The following GREM1 variants were observed in gnomAD, a reference collection of about 807,000 sequenced individuals.
The protein encoded by GREM1 is gremlin 1, DAN family BMP antagonist, also known as gremlin-1.
GREM1 carries 6 observed loss-of-function variants against 13.1 expected under a neutral mutation model. The ratio of observed to expected loss-of-function variants is 0.46; its 90% CI spans 0.25 to 0.91. GREM1 has a LOEUF of 0.91. Ranked by LOEUF, GREM1 falls within the 40% of genes least tolerant of loss-of-function variation. The pLI, the probability that GREM1 is intolerant of heterozygous loss-of-function variation, is 0.18. For synonymous variants in GREM1, 98 were observed against 93.7 expected, an observed-to-expected ratio of 1.05 and a Z score of -0.27; for missense variants, 185 against 233.9, an observed-to-expected ratio of 0.79 and a Z score of 1.36.
rs1486987037 is a variant in GREM1 at position 32,736,022 on chromosome 15, C to T, written c.*4777C>T. ...TACTCTCATCTCCCCCTCTCCAGCT[C>T]CACAATAGCTTTGAAACCAACAGCC... On this transcript the variant is annotated 3_prime_UTR_variant, in exon 2 of 2. Transcript: ENST00000651154. The T allele has an allele frequency of 1.3e-5, 2 of 152,204 alleles. No individual in the cohort carries two copies. Among genetic ancestry groups the T allele is most frequent in the Non-Finnish European group, 2.9e-5 (2 of 68,036 alleles). 9.4% of individuals were successfully genotyped at this position (152,204 alleles called of 1,614,324 possible).
Position 32,741,743 on chromosome 15 carries a change from T to C in GREM1, c.*10498T>C, listed in dbSNP as rs2055763340. On this transcript the variant is annotated 3_prime_UTR_variant, in exon 2 of 2. Transcript: ENST00000651154. ...GTGATGAGAGTGGGCATGTATGCCT[T>C]GTTTCTGGTCTTAAAGAAAAACATT... 6.6e-6 allele frequency: 1 copy of C among 152,182 alleles called. No individual in the cohort carries two copies. The highest frequency in any genetic ancestry group is 6.5e-5 in the Admixed American group (1 of 15,278). 9.4% of individuals were successfully genotyped at this position (152,182 alleles called of 1,614,324 possible). A position where few individuals can be genotyped will look rare whatever the true frequency, so the allele number is the denominator to read the frequency against.
intron 1 of GREM1, among the ~76,000 whole-genome samples, chr15:32,721,767 A>G (rs922462461): frequency 6.6e-6 from 1 of 152,142 alleles, no homozygotes; most frequent in African/African-American, 2.4e-5. Context: ...TGAATACCAC[A>G]CTACGCAGTG....
chr15:32,723,600 T>C (rs1279859267), intron 1 of GREM1, among the ~76,000 whole-genome samples: 1 of 143,016 alleles, frequency 7.0e-6, no homozygotes, highest in East Asian at 2.1e-4. Context: ...TAATAAATCT[T>C]ATTTTGAGGA....
At position 32,733,369 on chromosome 15, in the gene GREM1, C is replaced by G. The variant is rs1396888335; in HGVS notation, c.*2124C>G. ...GAGGAAAAATGACATTCAGAACCAG[C>G]AAACACTGAATTTCTCTTGTTGTTT... On this transcript the variant is annotated 3_prime_UTR_variant, in exon 2 of 2. Coordinates refer to ENST00000651154, the MANE Select transcript of GREM1 (RefSeq NM_013372.7). 1 of 226,312 alleles carries G rather than the reference C, an allele frequency of 4.4e-6. No homozygotes were observed. Among genetic ancestry groups the G allele is most frequent in the African/African-American group, 2.3e-5 (1 of 44,268 alleles). 14.0% of individuals were successfully genotyped at this position (226,312 alleles called of 1,614,324 possible). A position where few individuals can be genotyped will look rare whatever the true frequency, so the allele number is the denominator to read the frequency against.
chr15:32,721,631 A>G (rs536704637), intron 1 of GREM1, among the ~76,000 whole-genome samples: 8 of 151,848 alleles, frequency 5.3e-5, no homozygotes, highest in Admixed American at 3.3e-4. Context: ...GCAGGCGCCT[A>G]TAATCTCAGC....
Position 32,737,790 on chromosome 15 carries a change from T to C in GREM1, c.*6545T>C, listed in dbSNP as rs1363904635. On this transcript the variant is annotated 3_prime_UTR_variant, in exon 2 of 2. Transcript: ENST00000651154. ...AAAAATACAAAAAATTAGCCCGGCG[T>C]GGTGGCAAATGCCTGTAATCCCAGC... The C allele has an allele frequency of 6.6e-6, 1 of 150,636 alleles. No individual in the cohort carries two copies. Among genetic ancestry groups the C allele is most frequent in the Admixed American group, 6.6e-5 (1 of 15,134 alleles). The allele number at this position is 150,636 out of a possible 1,614,324, so 9.3% of individuals were successfully genotyped here.
Position 32,743,445 on chromosome 15 carries a change from C to G in GREM1, c.*12200C>G, listed in dbSNP as rs564981507. The G allele has an allele frequency of 4.6e-5, 7 of 152,104 alleles. No homozygotes were observed. Among genetic ancestry groups the G allele is most frequent in the Admixed American group, 4.6e-4 (7 of 15,282 alleles). The allele number at this position is 152,104 out of a possible 1,614,324, so 9.4% of individuals were successfully genotyped here. On this transcript the variant is annotated 3_prime_UTR_variant, in exon 2 of 2. Transcript: ENST00000651154. ...GAAGTCAAGCCAACTTTTGAAGTAT[C>G]CTATAGTACTTATATATTGCTTGGT...
intron 1 of GREM1, among the ~76,000 whole-genome samples, chr15:32,719,685 CTATTGTGTTA>C (rs1443839526): frequency 6.6e-6 from 1 of 152,148 alleles, no homozygotes; most frequent in Non-Finnish European, 1.5e-5. Context: ...TTAAAACAAT[CTATTGTGTTA>C]AGTGGGTCAC....
At chr15:32,724,448 T>A (rs2055462571) in intron 1 of GREM1, among the ~76,000 whole-genome samples, 1 of 152,188 alleles carries the variant, frequency 6.6e-6, no homozygotes, top group Admixed American at 6.5e-5. Context: ...GGGGAGCAAC[T>A]GAATTGTGTT....
rs1230031214 is a variant in GREM1 at position 32,727,167 on chromosome 15, C to T, written c.-1-3523C>T. ...TCCCTAACTCATTTTATGAGGCCAGCATCATCCTGATACCAAAACCTGGCA... is the reference window on the plus strand; with the variant it reads ...TCCCTAACTCATTTTATGAGGCCAGTATCATCCTGATACCAAAACCTGGCA... On this transcript the variant is annotated intron_variant, in intron 1 of 1. Transcript: ENST00000651154. Among the ~76,000 whole-genome samples the T allele has an allele frequency of 4.0e-5, 6 of 151,352 alleles. No homozygotes were observed. In the East Asian group the frequency reaches 1.2e-3, roughly 29 times the overall value.
Position 32,734,080 on chromosome 15 carries a change from A to G in GREM1, c.*2835A>G, listed in dbSNP as rs2055665834. On this transcript the variant is annotated 3_prime_UTR_variant, in exon 2 of 2. Transcript: ENST00000651154. ...ATATGACTTTCTCTGAGTTGGGCAA[A>G]GAAGAAGCTGACACACCGTATGTTG... The G allele has an allele frequency of 4.1e-6, 1 of 243,354 alleles. No individual in the cohort carries two copies. The highest frequency in any genetic ancestry group is 2.2e-5 in the African/African-American group (1 of 45,134). The allele number at this position is 243,354 out of a possible 1,614,324, so 15.1% of individuals were successfully genotyped here.
Position 32,718,132 on chromosome 15 carries a change from G to T in GREM1, c.-31G>T. 1 of 1,299,110 alleles carries T rather than the reference G, an allele frequency of 7.7e-7. No individual in the cohort carries two copies. Among genetic ancestry groups the T allele is most frequent in the Non-Finnish European group, 1.0e-6 (1 of 998,804 alleles). The allele number at this position is 1,299,110 out of a possible 1,614,324, so 80.5% of individuals were successfully genotyped here. On this transcript the variant is annotated 5_prime_UTR_variant, in exon 1 of 2. Coordinates refer to ENST00000651154, the MANE Select transcript of GREM1 (RefSeq NM_013372.7). ...GCACTCAGCGCCACGCGTCGAAAGCGCAGGCCCCGAGGACCCGCCGCACTG... is the reference window on the plus strand; with the variant it reads ...GCACTCAGCGCCACGCGTCGAAAGCTCAGGCCCCGAGGACCCGCCGCACTG...
chr15:32,730,130 C>T (rs1479734268), intron 1 of GREM1, among the ~76,000 whole-genome samples: 3 of 152,192 alleles, frequency 2.0e-5, no homozygotes, highest in African/African-American at 4.8e-5. Context: ...GCACCAGGAG[C>T]GCGACCTTTC....
At chr15:32,722,776 G>C (rs972859929) in intron 1 of GREM1, among the ~76,000 whole-genome samples, 1 of 152,182 alleles carries the variant, frequency 6.6e-6, no homozygotes, top group Non-Finnish European at 1.5e-5. Flanking sequence ...AGAGAGGATA[G>C]AGGCAAAGAG....
At chr15:32,727,359 T>C (rs1378494817) in intron 1 of GREM1, among the ~76,000 whole-genome samples, 1 of 152,216 alleles carries the variant, frequency 6.6e-6, no homozygotes, top group East Asian at 1.9e-4. Context: ...TCAATAAACG[T>C]AATCAATCAC....
Position 32,731,648 on chromosome 15 carries a change from A to G in GREM1, c.*403A>G, listed in dbSNP as rs2055621517. ...TGGAAGAGGCTCCTCTGAGGGCAAGAGACCTGTTTTAGTGCTGCATTCGAC... is the reference window on the plus strand; with the variant it reads ...TGGAAGAGGCTCCTCTGAGGGCAAGGGACCTGTTTTAGTGCTGCATTCGAC... On this transcript the variant is annotated 3_prime_UTR_variant, in exon 2 of 2. Coordinates refer to ENST00000651154, the MANE Select transcript of GREM1 (RefSeq NM_013372.7). 3 of 294,964 alleles carry G rather than the reference A, an allele frequency of 1.0e-5. No homozygotes were observed. The East Asian group carries it at 1.7e-4, about 16-fold the overall frequency. 18.3% of individuals were successfully genotyped at this position (294,964 alleles called of 1,614,324 possible). A position where few individuals can be genotyped will look rare whatever the true frequency, so the allele number is the denominator to read the frequency against.
Position 32,735,126 on chromosome 15 carries a change from C to A in GREM1, c.*3881C>A, listed in dbSNP as rs1567116062. The A allele has an allele frequency of 6.6e-6, 1 of 152,206 alleles. No individual in the cohort carries two copies. Among genetic ancestry groups the A allele is most frequent in the Non-Finnish European group, 1.5e-5 (1 of 68,050 alleles). The allele number at this position is 152,206 out of a possible 1,614,324, so 9.4% of individuals were successfully genotyped here. Reference sequence around the variant, plus strand: ...TCCTGTCCTTGGAAATATTAAACCACAGGCTAGATATCATTTAATAGGGAT... The same window carrying A: ...TCCTGTCCTTGGAAATATTAAACCAAAGGCTAGATATCATTTAATAGGGAT... On this transcript the variant is annotated 3_prime_UTR_variant, in exon 2 of 2. Transcript: ENST00000651154.
intron 1 of GREM1, among the ~76,000 whole-genome samples, chr15:32,719,804 A>G (rs528830948): frequency 1.3e-5 from 2 of 152,304 alleles, no homozygotes; most frequent in African/African-American, 2.4e-5. Context: ...AGATAACCCC[A>G]TTCTAGGGTG....
At chr15:32,719,608 A>G (rs1379838197) in intron 1 of GREM1, among the ~76,000 whole-genome samples, 3 of 152,164 alleles carry the variant, frequency 2.0e-5, no homozygotes, top group Admixed American at 6.5e-5. Context: ...TGCTGGAAAG[A>G]GCAAATCTGA....
Sources: gnomAD v4.1 joint callset for allele counts (sites outside exome capture counted in the v4.1 genomes callset) on GRCh38, gnomAD v4.1.1 for gene constraint, MANE v1.5 for transcripts, NCBI Gene and HGNC (gene_info 2026-07-23, HGNC 2026-07-21) for gene names.